Variants in EFEMP1 observed in about 807,000 individuals in gnomAD.
The protein encoded by EFEMP1 is EGF-containing fibulin-like extracellular matrix protein 1.
A neutral mutation model predicts 65.7 loss-of-function variants in EFEMP1; 18 were observed. The ratio of observed to expected loss-of-function variants is 0.27; its 90% CI spans 0.19 to 0.41. EFEMP1 has a LOEUF of 0.41. Ranked by LOEUF, EFEMP1 falls within the 10% of genes least tolerant of loss-of-function variation. The probability of loss-of-function intolerance (pLI) is 1.00; values close to 1 mark genes in which losing one functional copy is unlikely to be tolerated. For missense variants in EFEMP1, 469 were observed against 624.8 expected (o/e 0.75, Z 2.66); for synonymous variants, 237 against 219.7 (o/e 1.08, Z -0.70).
intron 9 of EFEMP1, among the ~76,000 whole-genome samples, chr2:55,872,596 A>G (rs1259801507): frequency 6.6e-6 from 1 of 152,108 alleles, no homozygotes; most frequent in African/African-American, 2.4e-5. Flanking sequence ...TGGCTCATTC[A>G]AGTTCATATA....
At chr2:55,882,796 C>G (rs1418768828) in intron 5 of EFEMP1, among the ~76,000 whole-genome samples, 3 of 152,070 alleles carry the variant, frequency 2.0e-5, no homozygotes, top group African/African-American at 4.8e-5. Flanking sequence ...GGGTCTACCA[C>G]AGTGATGATT....
In EFEMP1 at chr2:55,870,944, G is replaced by C; in HGVS notation, c.1125-29C>G. 6.2e-7 allele frequency: 1 copy of C among 1,613,738 alleles called. No individual in the cohort carries two copies. Among genetic ancestry groups the C allele is most frequent in the African/African-American group, 1.3e-5 (1 of 75,036 alleles). On this transcript the variant is annotated intron_variant, in intron 10 of 11. Transcript: ENST00000355426. The surrounding 1 kb of genome is among the most constrained non-coding windows in gnomAD (Gnocchi z 5.8). ...CAGAGACAAACAAAAGTATTCAGCA[G>C]TTTGGCTTGGTAAGACCAGAAAATC...
intron 5 of EFEMP1, among the ~76,000 whole-genome samples, chr2:55,916,190 A>G (rs1670676531): frequency 6.6e-6 from 1 of 151,264 alleles, no homozygotes; most frequent in Non-Finnish European, 1.5e-5. Flanking sequence ...GCTCACTGCA[A>G]CCTTCACCTC....
At chr2:55,920,266 C>T (rs1034620855) in intron 3 of EFEMP1, among the ~76,000 whole-genome samples, 1 of 152,226 alleles carries the variant, frequency 6.6e-6, no homozygotes, top group Admixed American at 6.5e-5. Flanking sequence ...TATGCTGGCA[C>T]CAACATTAAT....
chr2:55,890,638 A>G (rs1392129991), intron 5 of EFEMP1, among the ~76,000 whole-genome samples: 5 of 152,128 alleles, frequency 3.3e-5, no homozygotes, highest in Non-Finnish European at 7.4e-5. Flanking sequence ...AGAAACAACA[A>G]CAACAACAAA....
At chr2:55,915,120 A>C (rs997878748) in intron 5 of EFEMP1, among the ~76,000 whole-genome samples, 3 of 152,228 alleles carry the variant, frequency 2.0e-5, no homozygotes, top group Admixed American at 2.0e-4. Flanking sequence ...ATCCACATTT[A>C]TGGGCACTTT....
chr2:55,921,902 C>A lies in EFEMP1; in HGVS notation c.81+458G>T. The A allele has an allele frequency of 5.4e-6, 1 of 186,522 alleles. No homozygotes were observed. Among genetic ancestry groups the A allele is most frequent in the Non-Finnish European group, 1.1e-5 (1 of 87,432 alleles). 11.6% of individuals were successfully genotyped at this position (186,522 alleles called of 1,614,324 possible). On this transcript the variant is annotated intron_variant, in intron 3 of 11. Transcript: ENST00000355426. This position sits in a 1 kb window ranked among gnomAD's most constrained non-coding sequence, Gnocchi z 4.1. ...ATAGCCTTTATAAATTCAATAAAGG[C>A]CACTTACTTGAGAATGCATGTCATG... is the stretch of plus-strand genomic sequence containing the variant.
At chr2:55,920,451 C>T (rs1288722032) in intron 3 of EFEMP1, among the ~76,000 whole-genome samples, 1 of 152,140 alleles carries the variant, frequency 6.6e-6, no homozygotes, top group Admixed American at 6.5e-5. Flanking sequence ...ATGAGAATTG[C>T]TTATGCAGAT....
chr2:55,889,049 C>G lies in EFEMP1; in HGVS notation c.518-7315G>C, dbSNP rs182126830. ...CTGAGTCTACCAAGCCCTGCCTGAG[C>G]ACTGTGATTTGATTCTTGGCCTCCC... On this transcript the variant is annotated intron_variant, in intron 5 of 11. Transcript: ENST00000355426. 1.6e-3 allele frequency among the ~76,000 whole-genome samples: 237 copies of G among 152,292 alleles called. 1 individual carries two copies. The highest frequency in any genetic ancestry group is 5.3e-3 in the African/African-American group (220 of 41,560).
At chr2:55,879,615 T>C (rs947409344) in intron 6 of EFEMP1, among the ~76,000 whole-genome samples, 8 of 152,106 alleles carry the variant, frequency 5.3e-5, no homozygotes, top group Admixed American at 5.2e-4. Flanking sequence ...TTCTGCCTTG[T>C]CTGGTATGAA....
rs1461643910 is a variant in EFEMP1, at chr2:55,922,799, A to G, written c.-8+100T>C. 2 of 897,876 alleles carry G rather than the reference A, an allele frequency of 2.2e-6. No individual in the cohort carries two copies. The highest frequency in any genetic ancestry group is 2.9e-6 in the Non-Finnish European group (2 of 679,868). The allele number at this position is 897,876 out of a possible 1,614,324, so 55.6% of individuals were successfully genotyped here. ...AAAACAGTAATCCATTTCAAAGGGGACGGTGCATTTCCTGCCCCCCAGTCC... is the reference window on the plus strand; with the variant it reads ...AAAACAGTAATCCATTTCAAAGGGGGCGGTGCATTTCCTGCCCCCCAGTCC... On this transcript the variant is annotated intron_variant, in intron 2 of 11. Transcript: ENST00000355426. This position sits in a 1 kb window ranked among gnomAD's most constrained non-coding sequence, Gnocchi z 5.5.
At chr2:55,892,291 A>ATTTGTC (rs1210463755) in intron 5 of EFEMP1, among the ~76,000 whole-genome samples, 3 of 152,122 alleles carry the variant, frequency 2.0e-5, no homozygotes, top group Non-Finnish European at 4.4e-5. Context: ...TCTGACATTA[A>ATTTGTC]AGCCTACTTT....
Position 55,876,707 on chromosome 2 carries a change from G to A in EFEMP1, c.796C>T (p.Gln266Ter). ...GAACCAAGAATGTTGTAGCACTGCT[G>A]AGCACATTGATTGCTGGCATCACAT... ...NECDASNQCA[Q>*]QCYNILGSFI... The change falls in exon 8 of 12, where the codon CAG becomes TAG. Residue 266 changes from glutamine to a stop codon, truncating the protein, a stop_gained. Coordinates refer to ENST00000355426, the MANE Select transcript of EFEMP1 (RefSeq NM_001039348.3). LOFTEE classifies it high-confidence loss of function. 6.2e-7 allele frequency: 1 copy of A among 1,610,876 alleles called. No homozygotes were observed. The highest frequency in any genetic ancestry group is 8.5e-7 in the Non-Finnish European group (1 of 1,178,070).
At chr2:55,893,706 G>C (rs1355077985) in intron 5 of EFEMP1, among the ~76,000 whole-genome samples, 3 of 152,184 alleles carry the variant, frequency 2.0e-5, no homozygotes, top group Non-Finnish European at 4.4e-5. Context: ...AGTGGGATCA[G>C]GGTGGTACTT....
intron 5 of EFEMP1, among the ~76,000 whole-genome samples, chr2:55,909,740 T>A (rs1670412175): frequency 6.6e-6 from 1 of 152,228 alleles, no homozygotes; most frequent in Non-Finnish European, 1.5e-5. Context: ...CTGTGTCACA[T>A]ACTAGTTTTA....
Position 55,866,929 on chromosome 2 carries a change from A to C in EFEMP1, c.*144T>G. Reference sequence around the variant, plus strand: ...TTTACATATTAAATGCCCACTTTATACCATGGTGTAATTGTTTGAATTATG... The same window carrying C: ...TTTACATATTAAATGCCCACTTTATCCCATGGTGTAATTGTTTGAATTATG... On this transcript the variant is annotated 3_prime_UTR_variant, in exon 12 of 12. Transcript: ENST00000355426. 9.5e-7 allele frequency: 1 copy of C among 1,049,592 alleles called. No individual in the cohort carries two copies. The highest frequency in any genetic ancestry group is 1.4e-6 in the Non-Finnish European group (1 of 710,102). 65.0% of individuals were successfully genotyped at this position (1,049,592 alleles called of 1,614,324 possible).
intron 5 of EFEMP1, among the ~76,000 whole-genome samples, chr2:55,909,295 T>C (rs1670394708): frequency 3.9e-5 from 6 of 152,228 alleles, no homozygotes; most frequent in Admixed American, 3.9e-4. Flanking sequence ...AGTTCTGGAA[T>C]ATGTTTAGAC....
At chr2:55,869,504 G>T (rs1198137297) in intron 11 of EFEMP1, among the ~76,000 whole-genome samples, 1 of 151,988 alleles carries the variant, frequency 6.6e-6, no homozygotes, top group Admixed American at 6.6e-5. Flanking sequence ...TTTCTTTTCA[G>T]AAGTTGGTCA....
chr2:55,890,564 C>G (rs564913686), intron 5 of EFEMP1, among the ~76,000 whole-genome samples: 2 of 152,116 alleles, frequency 1.3e-5, no homozygotes, highest in South Asian at 4.1e-4. Flanking sequence ...TAAAGTAAGT[C>G]TAAATAAATT....
Sources: gnomAD v4.1 joint callset for allele counts (sites outside exome capture counted in the v4.1 genomes callset) on GRCh38, gnomAD v4.1.1 for gene constraint, Gnocchi (gnomAD v3.1) non-coding constraint, MANE v1.5 for transcripts, NCBI Gene and HGNC (gene_info 2026-07-23, HGNC 2026-07-21) for gene names.